LHFPL3: variants seen among roughly 807,000 people sequenced by gnomAD.
LHFPL3 encodes the protein LHFPL tetraspan subfamily member 3 protein.
LHFPL3 carries 5 observed loss-of-function variants against 19.3 expected under a neutral mutation model. That is an observed-to-expected ratio of 0.26 (90% CI 0.14 to 0.54). The LOEUF (loss-of-function observed/expected upper bound fraction) is 0.54, where lower values mean the gene tolerates loss of function less well. Among genes scored for constraint, LHFPL3 ranks in the 20% least tolerant of loss-of-function variants. The pLI is 0.94. For missense variants in LHFPL3, 249 were observed against 307.4 expected, an observed-to-expected ratio of 0.81 and a Z score of 1.42; for synonymous variants, 133 against 126.2, an observed-to-expected ratio of 1.05 and a Z score of -0.36.
At position 104,837,454 on chromosome 7, in the gene LHFPL3, C is replaced by T. The variant is rs140942327; in HGVS notation, c.683-68733C>T. ...TATATACCCTTTAATGCTATAGTCA[C>T]GAAATTGTACTAAATCTTCCCTGTG... On this transcript the variant is annotated intron_variant, in intron 2 of 2. Coordinates refer to ENST00000424859, the MANE Select transcript of LHFPL3 (RefSeq NM_199000.3). Among the ~76,000 whole-genome samples, 404 of 152,196 alleles carry T rather than the reference C, an allele frequency of 2.7e-3. 6 individuals carry two copies. Among genetic ancestry groups the T allele is most frequent in the Middle Eastern group, 0.014 (4 of 294 alleles).
intron 1 of LHFPL3, among the ~76,000 whole-genome samples, chr7:104,649,418 A>AGG: frequency 6.6e-6 from 1 of 152,264 alleles, no homozygotes; most frequent in South Asian, 2.1e-4. Flanking sequence ...AGTGGGGGAG[A>AGG]GGGTCTTCTG....
chr7:104,492,692 C>T (rs908496357), intron 1 of LHFPL3, among the ~76,000 whole-genome samples: 10 of 152,178 alleles, frequency 6.6e-5, no homozygotes, highest in African/African-American at 1.7e-4. Context: ...ATAACTATTA[C>T]GTTCACTAAT....
chr7:104,579,924 G>A (rs1790423847), intron 1 of LHFPL3, among the ~76,000 whole-genome samples: 1 of 152,110 alleles, frequency 6.6e-6, no homozygotes, highest in South Asian at 2.1e-4. Flanking sequence ...GGAGGTTGAG[G>A]CTTAAGTCTC....
chr7:104,603,092 TTC>T lies in LHFPL3; in HGVS notation c.446-133581_446-133580del, dbSNP rs373322312. Among the ~76,000 whole-genome samples, 17 of 133,406 alleles carry T rather than the reference TTC, an allele frequency of 1.3e-4. No homozygotes were observed. The East Asian group carries it at 3.4e-3, about 26-fold the overall frequency. The allele number at this position is 133,406 out of a possible 152,430, so 87.5% of individuals were successfully genotyped here. A position where few individuals can be genotyped will look rare whatever the true frequency, so the allele number is the denominator to read the frequency against. On this transcript the variant is annotated intron_variant, in intron 1 of 2. Transcript: ENST00000424859. ...TTTCTTTCTTTCTTTCTTTCTTTCT[TTC>T]TTTCTTTCTTTCTTTCTTTCTTTCT...
At chr7:104,543,829 C>T (rs1259237642) in intron 1 of LHFPL3, among the ~76,000 whole-genome samples, 1 of 149,778 alleles carries the variant, frequency 6.7e-6, no homozygotes, top group Non-Finnish European at 1.5e-5. Flanking sequence ...GATGAGTTAA[C>T]GGGTGCAGCA....
chr7:104,471,555 C>G (rs1792906062), intron 1 of LHFPL3, among the ~76,000 whole-genome samples: 1 of 152,156 alleles, frequency 6.6e-6, no homozygotes, highest in Non-Finnish European at 1.5e-5. Context: ...GGATTCAAAA[C>G]TAGGACAAAG....
At chr7:104,550,623 A>G (rs1584395447) in intron 1 of LHFPL3, among the ~76,000 whole-genome samples, 1 of 152,126 alleles carries the variant, frequency 6.6e-6, no homozygotes, top group Non-Finnish European at 1.5e-5. Flanking sequence ...AGCCATGATG[A>G]GTCACTGGAG....
At chr7:104,836,383 CTTG>C (rs1240792744) in intron 2 of LHFPL3, among the ~76,000 whole-genome samples, 1 of 152,166 alleles carries the variant, frequency 6.6e-6, no homozygotes, top group Non-Finnish European at 1.5e-5. Context: ...CCGTGGCTGT[CTTG>C]TTGCTTTCTT....
At chr7:104,531,927 T>C (rs1343181370) in intron 1 of LHFPL3, among the ~76,000 whole-genome samples, 1 of 152,018 alleles carries the variant, frequency 6.6e-6, no homozygotes, top group Non-Finnish European at 1.5e-5. Context: ...AGGATGCAGA[T>C]TGGTGGCTTT....
intron 1 of LHFPL3, among the ~76,000 whole-genome samples, chr7:104,341,500 G>A (rs1330737865): frequency 6.6e-6 from 1 of 152,204 alleles, no homozygotes; most frequent in Non-Finnish European, 1.5e-5. Flanking sequence ...CTTTTGTGGT[G>A]ACTATTTAGA....
intron 1 of LHFPL3, among the ~76,000 whole-genome samples, chr7:104,666,509 A>ATTTTTTTTTTTTTTT (rs1315147894): frequency 4.5e-5 from 2 of 44,162 alleles, no homozygotes; most frequent in African/African-American, 7.2e-5. Context: ...ACAGGATTTC[A>ATTTTTTTTTTTTTTT]TTCTTTTTTT....
At chr7:104,507,600 T>G (rs1440585943) in intron 1 of LHFPL3, among the ~76,000 whole-genome samples, 1 of 96,058 alleles carries the variant, frequency 1.0e-5, no homozygotes, top group African/African-American at 3.7e-5. Context: ...AAGCCAAAAT[T>G]GACAAATGGG....
At chr7:104,561,013 G>A (rs1360189858) in intron 1 of LHFPL3, among the ~76,000 whole-genome samples, 1 of 151,426 alleles carries the variant, frequency 6.6e-6, no homozygotes, top group Non-Finnish European at 1.5e-5. Flanking sequence ...TCTTAACCCT[G>A]AGTTCTAGTT....
chr7:104,839,984 ATAAT>A (rs1227145968), intron 2 of LHFPL3, among the ~76,000 whole-genome samples: 14 of 152,062 alleles, frequency 9.2e-5, no homozygotes, highest in East Asian at 3.9e-4. Flanking sequence ...AGTTGACTGG[ATAAT>A]TAATATTATT....
chr7:104,668,726 C>CG (rs1554422406), intron 1 of LHFPL3: 12 of 1,584,640 alleles, frequency 7.6e-6, no homozygotes, highest in Admixed American at 6.8e-5. Context: ...GTCCCCCCCC[C>CG]CCCAAAGACC....
intron 1 of LHFPL3, among the ~76,000 whole-genome samples, chr7:104,591,316 CAAAA>C (rs1790717648): frequency 6.6e-6 from 1 of 152,130 alleles, no homozygotes; most frequent in African/African-American, 2.4e-5. Flanking sequence ...CTGATGGTGA[CAAAA>C]GTCTCTCAGC....
chr7:104,439,072 T>C (rs1324122064), intron 1 of LHFPL3, among the ~76,000 whole-genome samples: 1 of 152,184 alleles, frequency 6.6e-6, no homozygotes, highest in Non-Finnish European at 1.5e-5. Context: ...CTTATATCCA[T>C]CAACAGTATT....
intron 1 of LHFPL3, among the ~76,000 whole-genome samples, chr7:104,465,776 G>C (rs1447313614): frequency 6.6e-6 from 1 of 152,176 alleles, no homozygotes; most frequent in African/African-American, 2.4e-5. Context: ...TTCAAGATGA[G>C]ATTTGGGTGG....
intron 2 of LHFPL3, among the ~76,000 whole-genome samples, chr7:104,855,000 G>T (rs376858514): frequency 2.6e-5 from 4 of 152,302 alleles, no homozygotes; most frequent in South Asian, 2.1e-4. Flanking sequence ...TTAGTCTGGC[G>T]TGGGAAGCTT....
Sources: allele counts gnomAD v4.1 joint callset (sites outside exome capture counted in the v4.1 genomes callset), GRCh38; gene constraint gnomAD v4.1.1; transcripts MANE v1.5; gene names NCBI Gene and HGNC (gene_info 2026-07-23, HGNC 2026-07-21).